Variants in SCAND1 observed in about 807,000 individuals in gnomAD.
The protein encoded by SCAND1 is SCAN domain-containing protein 1.
A neutral mutation model predicts 3.4 loss-of-function variants in SCAND1; 3 were observed. The ratio of observed to expected loss-of-function variants is 0.87; its 90% CI spans 0.40 to 2.25. The LOEUF (loss-of-function observed/expected upper bound fraction) is 2.25. Ranked by LOEUF, SCAND1 falls within the 30% of genes most tolerant of loss-of-function variation. The pLI is 0.05. For synonymous variants in SCAND1, 152 were observed against 120.5 expected (o/e 1.26, Z -1.72); for missense variants, 303 against 258.8 (o/e 1.17, Z -1.17).
chr20:35,954,065 G>A lies in SCAND1; in HGVS notation c.220C>T (p.Leu74=). The stretch of plus-strand genomic sequence containing the variant: ...CTCACGGGTGCGGGCCCGAGAGGCA[G>A]CTCCAGGGCCGCGGAGGCCGCAGCT... The part of the protein sequence containing the change: ...PRAAASAALE[L]PLGPAPVSVA... Residue 74 remains leucine (L), a synonymous_variant, in exon 2 of 2, where the codon CTG becomes TTG. Transcript: ENST00000305978. The A allele has an allele frequency of 6.5e-7, 1 of 1,537,882 alleles. No individual in the cohort carries two copies. The highest frequency in any genetic ancestry group is 8.8e-7 in the Non-Finnish European group (1 of 1,139,638).
Position 35,954,306 on chromosome 20 carries a change from T to G in SCAND1, c.-22A>C, listed in dbSNP as rs770037087. ...CCATAACTCCAGCTCCGGGCGTCAC[T>G]CTTTGTCCGGTAGCTGTGTGCTCAG... On this transcript the variant is annotated 5_prime_UTR_variant, in exon 2 of 2. Transcript: ENST00000305978. 1 of 1,613,314 alleles carries G rather than the reference T, an allele frequency of 6.2e-7. No homozygotes were observed. Among genetic ancestry groups the G allele is most frequent in the African/African-American group, 1.3e-5 (1 of 75,022 alleles).
At chr20:35,958,879 A>G (rs773574592), upstream of SCAND1, 9 of 152,240 alleles carry the variant, frequency 5.9e-5, no homozygotes, top group Admixed American at 1.3e-4. Flanking sequence ...CATATAGTGT[A>G]TAATCATTTG....
In SCAND1 at chr20:35,954,091, C is replaced by G; in HGVS notation, c.194G>C (p.Arg65Pro). 1 of 1,537,248 alleles carries G rather than the reference C, an allele frequency of 6.5e-7. No individual in the cohort carries two copies. Among genetic ancestry groups the G allele is most frequent in the Non-Finnish European group, 8.8e-7 (1 of 1,138,180 alleles). ...CTCCAGGGCCGCGGAGGCCGCAGCT[C>G]GGGGCGTAGGGATGGCTTCAGGGAC... ...AAVPEAIPTPRAAASAALELP... is the reference protein window; with the variant it reads ...AAVPEAIPTPPAAASAALELP... Residue 65 changes from arginine (R) to proline (P), a missense_variant, in exon 2 of 2, where the codon CGA becomes CCA. Coordinates refer to ENST00000305978, the MANE Select transcript of SCAND1 (RefSeq NM_033630.3).
Position 35,954,056 on chromosome 20 carries a change from C to A in SCAND1, c.229G>T (p.Gly77Trp). ...AASAALELPL[G>W]PAPVSVAPQA... ...GGCGCTACGCTCACGGGTGCGGGCC[C>A]GAGAGGCAGCTCCAGGGCCGCGGAG... is the stretch of plus-strand genomic sequence containing the variant. The change falls in exon 2 of 2, where the codon GGG (glycine) becomes TGG (tryptophan). Residue 77 changes from glycine (G) to tryptophan (W), a missense_variant. Gly to Trp is a radical substitution (Grantham distance 184, BLOSUM62 -2). Coordinates refer to ENST00000305978, the MANE Select transcript of SCAND1 (RefSeq NM_033630.3). The A allele has an allele frequency of 6.5e-7, 1 of 1,539,948 alleles. No homozygotes were observed. The highest frequency in any genetic ancestry group is 8.8e-7 in the Non-Finnish European group (1 of 1,141,378).
chr20:35,953,882 G>T lies in SCAND1; in HGVS notation c.403C>A (p.Gln135Lys). 1 of 1,577,466 alleles carries T rather than the reference G, an allele frequency of 6.3e-7. No homozygotes were observed. ...AFRQLRELSR[Q>K]WLRPDIRTKE... is the part of the protein sequence containing the mutation. ...GTGCGGATGTCAGGCCGCAGCCACTGGCGGGACAGCTCCCGCAGCTGCCGG... is the reference window on the plus strand; with the variant it reads ...GTGCGGATGTCAGGCCGCAGCCACTTGCGGGACAGCTCCCGCAGCTGCCGG... Residue 135 changes from glutamine (Q) to lysine (K), a missense_variant, in exon 2 of 2, where the codon CAG becomes AAG. By Grantham distance (53) the Gln-to-Lys change is moderately conservative. Transcript: ENST00000305978.
upstream of SCAND1, chr20:35,955,024 A>G (rs1310989738): frequency 5.7e-6 from 1 of 176,346 alleles, no homozygotes; most frequent in East Asian, 1.9e-4. Context: ...TCTGGCGCGA[A>G]GGAGATGCTC....
rs762192528 is a variant in SCAND1, at chr20:35,954,146, C to T, written c.139G>A (p.Ala47Thr). The T allele has an allele frequency of 1.3e-6, 2 of 1,581,376 alleles. No individual in the cohort carries two copies. Among genetic ancestry groups the T allele is most frequent in the Non-Finnish European group, 1.7e-6 (2 of 1,164,490 alleles). The change falls in exon 2 of 2, where the codon GCC becomes ACC. Residue 47 changes from alanine to threonine, a missense_variant. Transcript: ENST00000305978. ...GCGTTGGGACTGGAAGGCTCAGGGG[C>T]AGGCGGTGAGGCCTCTGGCAGCGAG... ...GSSLPEASPPAPEPSSPNAAV... is the reference protein window; with the variant it reads ...GSSLPEASPPTPEPSSPNAAV...
In SCAND1 at chr20:35,954,432, A is replaced by G. The variant is rs1469093429; in HGVS notation, c.-56+16T>C. 1 of 1,549,926 alleles carries G rather than the reference A, an allele frequency of 6.5e-7. No homozygotes were observed. Among genetic ancestry groups the G allele is most frequent in the African/African-American group, 1.4e-5 (1 of 73,016 alleles). On this transcript the variant is annotated intron_variant, in intron 1 of 1. Transcript: ENST00000305978. ...GGAGTCGGACTCGGGACCGGCCGAG[A>G]GTGTGCGGAGCTTACCTGCACCAGC...
upstream of SCAND1, among the ~76,000 whole-genome samples, chr20:35,957,041 A>G (rs190257491): frequency 6.6e-6 from 1 of 152,332 alleles, no homozygotes; most frequent in African/African-American, 2.4e-5. Flanking sequence ...AAAGGGAATG[A>G]ACTTTTGTGG....
chr20:35,954,090 T>A lies in SCAND1; in HGVS notation c.195A>T (p.Arg65=). 6.5e-7 allele frequency: 1 copy of A among 1,537,282 alleles called. No homozygotes were observed. The highest frequency in any genetic ancestry group is 8.8e-7 in the Non-Finnish European group (1 of 1,138,170). ...AAVPEAIPTP[R]AAASAALELP... ...GCTCCAGGGCCGCGGAGGCCGCAGC[T>A]CGGGGCGTAGGGATGGCTTCAGGGA... The change falls in exon 2 of 2, where the codon CGA becomes CGT. Residue 65 remains arginine, a synonymous_variant. Transcript: ENST00000305978.
rs755111676 is a variant in SCAND1, at chr20:35,954,480, G to T, written c.-88C>A. On this transcript the variant is annotated 5_prime_UTR_variant, in exon 1 of 2. Transcript: ENST00000305978. ...AGCGAAGCGCCTGCGGCAGCCGGAA[G>T]CGAAAGTCTCTGGCTTCTCTGCGTC... The T allele has an allele frequency of 3.9e-6, 6 of 1,546,480 alleles. No homozygotes were observed. The highest frequency in any genetic ancestry group is 2.7e-5 in the African/African-American group (2 of 73,014).
upstream of SCAND1, chr20:35,954,768 C>T: frequency 2.0e-6 from 1 of 495,504 alleles, no homozygotes; most frequent in South Asian, 2.0e-5. Context: ...CCTTTGCGTG[C>T]GGGCGCCCCT....
chr20:35,954,593 TGCC>T, upstream of SCAND1: 1 of 1,407,508 alleles, frequency 7.1e-7, no homozygotes, highest in East Asian at 3.4e-5. Context: ...AGGCGGCTGC[TGCC>T]CTCGCGGTGC....
Position 35,954,340 on chromosome 20 carries a change from C to T in SCAND1, c.-55-1G>A. ...GGTAGCTGTGTGCTCAGCACTGCGT[C>T]TGCGCGGGGGTGGGGTGAGCAGGGA... On this transcript the variant is annotated splice_acceptor_variant, in intron 1 of 1. Transcript: ENST00000305978. LOFTEE classifies it low-confidence loss of function (5UTR_SPLICE). The T allele has an allele frequency of 6.2e-7, 1 of 1,609,836 alleles. No individual in the cohort carries two copies. The highest frequency in any genetic ancestry group is 8.5e-7 in the Non-Finnish European group (1 of 1,178,074).
chr20:35,954,363 G>A, intron 1 of SCAND1, 24 bp from the exon 2 acceptor site: 1 of 1,596,090 alleles, frequency 6.3e-7, no homozygotes, highest in Non-Finnish European at 8.5e-7. Flanking sequence ...GGGTGAGCAG[G>A]GAGACGTTTC....
upstream of SCAND1, chr20:35,957,857 G>A (rs2147163150): frequency 6.6e-6 from 1 of 152,254 alleles, no homozygotes; most frequent in African/African-American, 2.4e-5. Context: ...CCTAGATTGG[G>A]AGTTCACTTG....
chr20:35,953,788 G>A lies in SCAND1; in HGVS notation c.497C>T (p.Ala166Val). Reference protein sequence around the residue: ...LLAILPEAARARRIRRRTDVR... With the variant: ...LLAILPEAARVRRIRRRTDVR... ...ATCCGTGCGGCGGCGGATCCGCCGG[G>A]CCCGAGCCGCCTCGGGCAGGATGGC... The change falls in exon 2 of 2, where the codon GCC becomes GTC. Residue 166 changes from alanine to valine, a missense_variant. Physicochemically the swap from Ala to Val is moderately conservative, Grantham distance 64. Transcript: ENST00000305978. 1 of 1,508,464 alleles carries A rather than the reference G, an allele frequency of 6.6e-7. No homozygotes were observed. Among genetic ancestry groups the A allele is most frequent in the African/African-American group, 1.4e-5 (1 of 70,988 alleles). 93.4% of individuals were successfully genotyped at this position (1,508,464 alleles called of 1,614,324 possible).
In SCAND1 at chr20:35,953,635, A is replaced by AC. The variant is rs1284342668; in HGVS notation, c.*109_*110insG. ...CACACCAGACCACAGGCGCTGCCAAAACTCATTTTTCATTAACACGGGGTG... is the reference window on the plus strand; with the variant it reads ...CACACCAGACCACAGGCGCTGCCAAACACTCATTTTTCATTAACACGGGGTG... On this transcript the variant is annotated 3_prime_UTR_variant, in exon 2 of 2. Coordinates refer to ENST00000305978, the MANE Select transcript of SCAND1 (RefSeq NM_033630.3). 7.8e-6 allele frequency: 5 copies of AC among 640,702 alleles called. No individual in the cohort carries two copies. The East Asian group carries it at 1.0e-4, about 13-fold the overall frequency. The allele number at this position is 640,702 out of a possible 1,614,324, so 39.7% of individuals were successfully genotyped here.
In SCAND1 at chr20:35,954,133, G is replaced by A; in HGVS notation, c.152C>T (p.Ser51Phe). 1 of 1,565,878 alleles carries A rather than the reference G, an allele frequency of 6.4e-7. No individual in the cohort carries two copies. The highest frequency in any genetic ancestry group is 8.7e-7 in the Non-Finnish European group (1 of 1,155,286). ...PEASPPAPEP[S>F]SPNAAVPEAI... Reference sequence around the variant, plus strand: ...TTCAGGGACCGCGGCGTTGGGACTGGAAGGCTCAGGGGCAGGCGGTGAGGC... The same window carrying A: ...TTCAGGGACCGCGGCGTTGGGACTGAAAGGCTCAGGGGCAGGCGGTGAGGC... Residue 51 changes from serine to phenylalanine, a missense_variant, in exon 2 of 2, where the codon TCC (serine) becomes TTC (phenylalanine). Physicochemically the swap from Ser to Phe is radical, Grantham distance 155 (BLOSUM62 -2). Coordinates refer to ENST00000305978, the MANE Select transcript of SCAND1 (RefSeq NM_033630.3).
Sources: gnomAD v4.1 joint callset for allele counts (sites outside exome capture counted in the v4.1 genomes callset) on GRCh38, gnomAD v4.1.1 for gene constraint, MANE v1.5 for transcripts, NCBI Gene and HGNC (gene_info 2026-07-23, HGNC 2026-07-21) for gene names.